ABCA8: variants seen among roughly 807,000 people sequenced by gnomAD.
The protein encoded by ABCA8 is ABC-type organic anion transporter ABCA8.
ABCA8 carries 177 observed loss-of-function variants against 192.3 expected under a neutral mutation model. The ratio of observed to expected loss-of-function variants is 0.92; its 90% CI spans 0.81 to 1.04. The LOEUF (loss-of-function observed/expected upper bound fraction) is 1.04. ABCA8 is among the 50% of genes least tolerant of loss of function. The probability of loss-of-function intolerance (pLI) is 0.00; values close to 1 mark genes in which losing one functional copy is unlikely to be tolerated. For synonymous variants in ABCA8, 642 were observed against 690.2 expected (o/e 0.93, Z 1.09); for missense variants, 1,915 against 1,904.8 (o/e 1.01, Z -0.10).
Position 68,944,318 on chromosome 17 carries a change from ATATATATATATAT to A in ABCA8, c.-5-2292_-5-2280del, listed in dbSNP as rs2068322449. 2.1e-3 allele frequency among the ~76,000 whole-genome samples: 113 copies of A among 55,064 alleles called. 6 individuals carry two copies. Among genetic ancestry groups the A allele is most frequent in the African/African-American group, 3.4e-3 (57 of 16,852 alleles). 36.1% of individuals were successfully genotyped at this position (55,064 alleles called of 152,430 possible). A position where few individuals can be genotyped will look rare whatever the true frequency, so the allele number is the denominator to read the frequency against. On this transcript the variant is annotated intron_variant, in intron 2 of 39. Coordinates refer to ENST00000586539, the MANE Select transcript of ABCA8 (RefSeq NM_001288985.2). ...CACATGTAGCCCAGAACTTAAAGTT[ATATATATATATAT>A]ATATATATATATATATATATATATA...
rs1199981258 is a variant in ABCA8 at position 68,877,553 on chromosome 17, G to T, written c.4165C>A (p.Leu1389Met). Residue 1389 changes from leucine (L) to methionine (M), a missense_variant, in exon 33 of 40, where the codon CTG (leucine) becomes ATG (methionine). Physicochemically the swap from Leu to Met is conservative, Grantham distance 15. Transcript: ENST00000586539. ...HLEVYAAVKG[L>M]RKGDAEVAIT... is the part of the protein sequence containing the mutation. ...GCAACCTCAGCATCCCCTTTCCTCA[G>T]CCCTTTCACGGCGGCGTACACCTCC... is the stretch of plus-strand genomic sequence containing the variant. The T allele has an allele frequency of 8.7e-6, 14 of 1,613,752 alleles. No individual in the cohort carries two copies. Among genetic ancestry groups the T allele is most frequent in the Non-Finnish European group, 1.2e-5 (14 of 1,179,924 alleles).
intron 17 of ABCA8, among the ~76,000 whole-genome samples, chr17:68,916,133 G>C (rs1598253340): frequency 1.3e-5 from 2 of 152,042 alleles, no homozygotes; most frequent in African/African-American, 4.8e-5. Flanking sequence ...GAAGGGTAGT[G>C]GGGTGGTGGG....
intron 16 of ABCA8, among the ~76,000 whole-genome samples, chr17:68,917,756 T>A (rs1312770620): frequency 6.6e-6 from 1 of 152,236 alleles, no homozygotes; most frequent in Non-Finnish European, 1.5e-5. Context: ...TGGATTTCCC[T>A]CAATTCTGAG....
intron 10 of ABCA8, among the ~76,000 whole-genome samples, chr17:68,926,679 G>A (rs1245997045): frequency 1.3e-5 from 2 of 152,168 alleles, no homozygotes; most frequent in African/African-American, 4.8e-5. Context: ...AAGTGTGCTA[G>A]CCAACAATAG....
intron 2 of ABCA8, 94 bp from the exon 3 acceptor site, chr17:68,942,133 T>C: frequency 1.2e-6 from 1 of 844,736 alleles, no homozygotes; most frequent in Non-Finnish European, 1.9e-6. Context: ...AGCCTAATAC[T>C]CCAATGTTCC....
Position 68,894,250 on chromosome 17 carries a change from C to T in ABCA8, c.2959G>A (p.Asp987Asn). The change falls in exon 23 of 40, where the codon GAC (aspartate) becomes AAC (asparagine). Residue 987 changes from aspartate (D) to asparagine (N), a missense_variant. Asp to Asn is a conservative substitution (Grantham distance 23). Transcript: ENST00000586539. The stretch of plus-strand genomic sequence containing the variant: ...CCAAGTAGCCCATTACTAACAATGT[C>T]CATAAGAACTGGGAAGCAATTCAAT... The part of the protein sequence containing the change: ...KRLNCFPVLM[D>N]IVSNGLLGMV... 1 of 1,612,828 alleles carries T rather than the reference C, an allele frequency of 6.2e-7. No homozygotes were observed. The highest frequency in any genetic ancestry group is 1.3e-5 in the African/African-American group (1 of 74,966).
chr17:68,920,179 T>C (rs1199150745), intron 13 of ABCA8, among the ~76,000 whole-genome samples: 2 of 152,248 alleles, frequency 1.3e-5, no homozygotes, highest in Admixed American at 6.5e-5. Context: ...ATGTTCTCAC[T>C]TATAAGAGGG....
intron 19 of ABCA8, 118 bp from the exon 20 acceptor site, chr17:68,903,617 T>C: frequency 1.2e-6 from 1 of 808,546 alleles, no homozygotes; most frequent in Non-Finnish European, 1.9e-6. Context: ...AACGTGGTTT[T>C]GCTGGTTACT....
chr17:68,873,524 C>T (rs1251319868), intron 37 of ABCA8, among the ~76,000 whole-genome samples: 1 of 152,126 alleles, frequency 6.6e-6, no homozygotes, highest in Admixed American at 6.5e-5. Flanking sequence ...TCAATTGTTT[C>T]TTTTGCTGTG....
chr17:68,938,852 C>T (rs959124964), intron 4 of ABCA8, among the ~76,000 whole-genome samples: 1 of 152,102 alleles, frequency 6.6e-6, no homozygotes, highest in East Asian at 1.9e-4. Flanking sequence ...TTAGTATTAG[C>T]GTAGTTGGCT....
At chr17:68,870,756 T>TA (rs1276781936) in intron 37 of ABCA8, among the ~76,000 whole-genome samples, 1 of 152,230 alleles carries the variant, frequency 6.6e-6, no homozygotes, top group African/African-American at 2.4e-5. Flanking sequence ...AGTGAACACT[T>TA]AGACTGTTTA....
At chr17:68,946,420 T>A (rs1353842938) in intron 2 of ABCA8, among the ~76,000 whole-genome samples, 1 of 152,078 alleles carries the variant, frequency 6.6e-6, no homozygotes, top group Non-Finnish European at 1.5e-5. Context: ...TATACTCCAT[T>A]CACAATGACA....
chr17:68,884,726 G>C, intron 27 of ABCA8: 1 of 1,063,998 alleles, frequency 9.4e-7, no homozygotes, highest in Non-Finnish European at 1.1e-6. Flanking sequence ...TCTCTTTGTG[G>C]GGCCCCTTCT....
chr17:68,934,699 T>C (rs984149908), intron 5 of ABCA8, among the ~76,000 whole-genome samples: 2 of 152,192 alleles, frequency 1.3e-5, no homozygotes, highest in Non-Finnish European at 2.9e-5. Context: ...TCTATGATGA[T>C]GAGTTATAAG....
At chr17:68,927,535 CAT>C (rs2067734308) in intron 10 of ABCA8, among the ~76,000 whole-genome samples, 1 of 152,174 alleles carries the variant, frequency 6.6e-6, no homozygotes, top group Non-Finnish European at 1.5e-5. Flanking sequence ...AAATTCTTCA[CAT>C]GATTCTGTTG....
intron 32 of ABCA8, chr17:68,877,977 G>A (rs758155484): frequency 7.4e-6 from 2 of 271,778 alleles, no homozygotes; most frequent in Admixed American, 5.2e-5. Flanking sequence ...CTGTCAAAAT[G>A]AAGCATATTG....
At chr17:68,900,912 C>T (rs1278602224) in intron 21 of ABCA8, among the ~76,000 whole-genome samples, 2 of 152,064 alleles carry the variant, frequency 1.3e-5, no homozygotes, top group African/African-American at 4.8e-5. Context: ...ATGTCACAGC[C>T]TTCTTGCATT....
At chr17:68,902,973 T>TA in intron 20 of ABCA8, 94 bp from the exon 21 acceptor site, 8 of 1,114,044 alleles carry the variant, frequency 7.2e-6, no homozygotes, top group Non-Finnish European at 1.0e-5. Context: ...AAAGAAATTA[T>TA]AAAAATTAAA....
chr17:68,948,019 G>T (rs1481471474), intron 2 of ABCA8, among the ~76,000 whole-genome samples: 1 of 152,086 alleles, frequency 6.6e-6, no homozygotes, highest in Non-Finnish European at 1.5e-5. Flanking sequence ...TCCTGTGTTA[G>T]TTTGCTGAGA....
Sources: allele counts gnomAD v4.1 joint callset (sites outside exome capture counted in the v4.1 genomes callset), GRCh38; gene constraint gnomAD v4.1.1; transcripts MANE v1.5; gene names NCBI Gene and HGNC (gene_info 2026-07-23, HGNC 2026-07-21).